TUSC3: variants seen among roughly 807,000 people sequenced by gnomAD.
The protein encoded by TUSC3 is tumor suppressor candidate 3.
In TUSC3, 45 loss-of-function variants were observed where a neutral mutation model predicts 44.8. The ratio of observed to expected loss-of-function variants is 1.00; its 90% confidence interval spans 0.79 to 1.29. The LOEUF is 1.29. Ranked by LOEUF, TUSC3 falls within the 50% of genes most tolerant of loss-of-function variation. The pLI is 0.00. For missense variants in TUSC3, 519 were observed against 437.9 expected, an observed-to-expected ratio of 1.19 and a Z score of -1.65; for synonymous variants, 212 against 152.9, an observed-to-expected ratio of 1.39 and a Z score of -2.85.
In TUSC3 at chr8:15,617,143, T is replaced by A. The variant is rs1412539050; in HGVS notation, c.139-5937T>A. ...AAATGTGTGTGTGTGTATATATTTT[T>A]TTTTTTTTTTTTTTGAGACAGAGTC... On this transcript the variant is annotated intron_variant, in intron 1 of 10. Transcript: ENST00000503731. 2.5e-3 allele frequency among the ~76,000 whole-genome samples: 238 copies of A among 96,334 alleles called. 3 individuals are homozygous for A. The highest frequency in any genetic ancestry group is 5.8e-3 in the African/African-American group (203 of 35,222). 63.2% of individuals were successfully genotyped at this position (96,334 alleles called of 152,430 possible). A position where few individuals can be genotyped will look rare whatever the true frequency, so the allele number is the denominator to read the frequency against.
chr8:15,850,801 A>G, the TUSC3 span, among the ~76,000 whole-genome samples: 7 of 152,248 alleles, frequency 4.6e-5, no homozygotes, highest in Non-Finnish European at 8.8e-5. Flanking sequence ...TGTGCTATAT[A>G]TTGTGAACAA....
intron 1 of TUSC3, among the ~76,000 whole-genome samples, chr8:15,429,696 T>C (rs1001162733): frequency 6.6e-6 from 1 of 151,656 alleles, no homozygotes; most frequent in African/African-American, 2.4e-5. Flanking sequence ...TTCACATCCC[T>C]TGTAAGGTGG....
At chr8:15,750,625 A>G (rs1415044954) in intron 9 of TUSC3, among the ~76,000 whole-genome samples, 1 of 152,044 alleles carries the variant, frequency 6.6e-6, no homozygotes, top group Non-Finnish European at 1.5e-5. Context: ...CTGGACATAG[A>G]AACTACCCAG....
At chr8:15,728,714 C>G (rs1034026210) in intron 6 of TUSC3, among the ~76,000 whole-genome samples, 2 of 152,006 alleles carry the variant, frequency 1.3e-5, no homozygotes, top group African/African-American at 4.8e-5. Flanking sequence ...TCAATATAGA[C>G]ATAATTAAAG....
intron 7 of TUSC3, among the ~76,000 whole-genome samples, chr8:15,731,666 A>G (rs952113001): frequency 5.3e-5 from 8 of 152,160 alleles, no homozygotes; most frequent in Non-Finnish European, 1.0e-4. Context: ...AGTTTTATGT[A>G]CAATACTTTA....
chr8:15,783,979 A>G, the TUSC3 span, among the ~76,000 whole-genome samples: 8 of 152,312 alleles, frequency 5.3e-5, no homozygotes, highest in African/African-American at 1.4e-4. Context: ...CAAAATATAT[A>G]AGTAACTCAA....
intron 5 of TUSC3, among the ~76,000 whole-genome samples, chr8:15,665,828 T>A (rs1429323955): frequency 6.6e-6 from 1 of 151,340 alleles, no homozygotes; most frequent in African/African-American, 2.4e-5. Context: ...GGTCTCATGC[T>A]TTCTAAGGGG....
chr8:15,832,082 T>TAA, the TUSC3 span, among the ~76,000 whole-genome samples: 2 of 152,128 alleles, frequency 1.3e-5, no homozygotes, highest in African/African-American at 4.8e-5. Flanking sequence ...CCCATCAGAC[T>TAA]AACAGTGGAT....
At chr8:15,543,746 T>C (rs1801768666) in intron 1 of TUSC3, among the ~76,000 whole-genome samples, 1 of 151,878 alleles carries the variant, frequency 6.6e-6, no homozygotes, top group Middle Eastern at 3.4e-3. Context: ...ATTGGTTTTT[T>C]TTTTTTGCTA....
Position 15,653,520 on chromosome 8 carries a change from TA to T in TUSC3, c.426+2708del, listed in dbSNP as rs1351743247. Among the ~76,000 whole-genome samples the T allele has an allele frequency of 6.6e-5, 10 of 152,332 alleles. No homozygotes were observed. The East Asian group carries it at 1.9e-3, about 29-fold the overall frequency. ...CATAATTATTCTAAAGTTTGGCGTA[TA>T]AGAGTTGAAGTCAGTTGTTTTTAAT... On this transcript the variant is annotated intron_variant, in intron 3 of 10. Coordinates refer to ENST00000503731, the MANE Select transcript of TUSC3 (RefSeq NM_006765.4).
chr8:15,815,902 A>C, the TUSC3 span, among the ~76,000 whole-genome samples: 1 of 152,218 alleles, frequency 6.6e-6, no homozygotes, highest in Non-Finnish European at 1.5e-5. Context: ...CAGAACAATT[A>C]ATACAGTAGA....
At chr8:15,523,708 G>C (rs368552880) in intron 2 of TUSC3, among the ~76,000 whole-genome samples, 1 of 112,502 alleles carries the variant, frequency 8.9e-6, no homozygotes, top group Non-Finnish European at 1.7e-5. Context: ...GTGTGTGTGT[G>C]TATATATATA....
At chr8:15,644,033 T>C (rs2129172823) in intron 2 of TUSC3, among the ~76,000 whole-genome samples, 1 of 152,332 alleles carries the variant, frequency 6.6e-6, no homozygotes, top group South Asian at 2.1e-4. Context: ...AGAGAAGCTA[T>C]ACTTCTTAAA....
chr8:15,809,566 A>G, the TUSC3 span, among the ~76,000 whole-genome samples: 1 of 152,216 alleles, frequency 6.6e-6, no homozygotes, highest in Non-Finnish European at 1.5e-5. Flanking sequence ...ATATATACTT[A>G]AAAGAAAGTC....
chr8:15,636,295 G>A (rs1196812015), intron 2 of TUSC3, among the ~76,000 whole-genome samples: 1 of 152,168 alleles, frequency 6.6e-6, no homozygotes, highest in Non-Finnish European at 1.5e-5. Context: ...TTAACTTTGA[G>A]TTGGGTGGCA....
At chr8:15,728,120 T>G (rs1810574354) in intron 6 of TUSC3, among the ~76,000 whole-genome samples, 1 of 152,216 alleles carries the variant, frequency 6.6e-6, no homozygotes, top group Non-Finnish European at 1.5e-5. Context: ...TTCTTGTTAT[T>G]GTGACTGGAA....
chr8:15,693,212 T>A (rs972423525), intron 6 of TUSC3, among the ~76,000 whole-genome samples: 1 of 152,204 alleles, frequency 6.6e-6, no homozygotes, highest in East Asian at 1.9e-4. Context: ...GTTAGCTGGT[T>A]ATTACGTAGA....
intron 2 of TUSC3, among the ~76,000 whole-genome samples, chr8:15,630,950 A>C (rs955897412): frequency 6.6e-6 from 1 of 152,174 alleles, no homozygotes. Context: ...CACTTAAAGC[A>C]CTTGTAAGTA....
Position 15,566,633 on chromosome 8 carries a change from T to G in TUSC3, c.138+26065T>G, listed in dbSNP as rs552686977. On this transcript the variant is annotated intron_variant, in intron 1 of 10. Transcript: ENST00000503731. The stretch of plus-strand genomic sequence containing the variant: ...TGTTGTTGTTGTTGTTGTTGTTTTT[T>G]TTTTGAGACAGGGTCTTGCTCTGTT... 2.8e-3 allele frequency among the ~76,000 whole-genome samples: 430 copies of G among 152,054 alleles called. 2 individuals carry two copies. The highest frequency in any genetic ancestry group is 9.8e-3 in the African/African-American group (405 of 41,472).
Sources: allele counts gnomAD v4.1 joint callset (sites outside exome capture counted in the v4.1 genomes callset), GRCh38; gene constraint gnomAD v4.1.1; transcripts MANE v1.5; gene names NCBI Gene and HGNC (gene_info 2026-07-23, HGNC 2026-07-21).